Variants in ERBB4 observed in about 807,000 individuals in gnomAD.
ERBB4 encodes the protein receptor tyrosine-protein kinase erbB-4.
ERBB4 carries 42 observed loss-of-function variants against 158.0 expected under a neutral mutation model. That is an observed-to-expected ratio of 0.27 (90% CI 0.21 to 0.34). The LOEUF (loss-of-function observed/expected upper bound fraction) is 0.34, where lower values mean the gene tolerates loss of function less well. Among genes scored for constraint, ERBB4 ranks in the 10% least tolerant of loss-of-function variants. ERBB4 has a pLI of 1.00. For synonymous variants in ERBB4, 583 were observed against 558.7 expected, an observed-to-expected ratio of 1.04 and a Z score of -0.61; for missense variants, 1,333 against 1,624.1, an observed-to-expected ratio of 0.82 and a Z score of 3.08.
At chr2:212,200,870 A>G (rs1459045597) in intron 1 of ERBB4, among the ~76,000 whole-genome samples, 1 of 152,142 alleles carries the variant, frequency 6.6e-6, no homozygotes, top group East Asian at 1.9e-4. Flanking sequence ...CCACATACCT[A>G]TAATTAGAAA....
chr2:211,667,914 T>C (rs1191628698), intron 14 of ERBB4, among the ~76,000 whole-genome samples: 1 of 152,162 alleles, frequency 6.6e-6, no homozygotes, highest in Admixed American at 6.5e-5. Context: ...TTAACTATAG[T>C]CATGTGACAC....
In ERBB4 at chr2:211,413,305, T is replaced by TAAAAAAA. The variant is rs768289370; in HGVS notation, c.3135+7135_3135+7136insTTTTTTT. 1.9e-4 allele frequency among the ~76,000 whole-genome samples: 11 copies of TAAAAAAA among 56,944 alleles called. 1 individual carries two copies. Among genetic ancestry groups the TAAAAAAA allele is most frequent in the African/African-American group, 6.7e-4 (9 of 13,494 alleles). 37.4% of individuals were successfully genotyped at this position (56,944 alleles called of 152,430 possible). On this transcript the variant is annotated intron_variant, in intron 25 of 27. Transcript: ENST00000342788. ...TTGGGGACAGAGAGAGACCCTGTCT[T>TAAAAAAA]AAAAACACACACACACACACACACA... is the stretch of plus-strand genomic sequence containing the variant.
At chr2:212,242,404 C>G (rs1490055120) in intron 1 of ERBB4, among the ~76,000 whole-genome samples, 2 of 151,702 alleles carry the variant, frequency 1.3e-5, no homozygotes, top group Non-Finnish European at 2.9e-5. Flanking sequence ...TTACACAGTC[C>G]CTATGAAAAT....
At chr2:211,813,529 G>C (rs1305236667) in intron 3 of ERBB4, among the ~76,000 whole-genome samples, 1 of 152,096 alleles carries the variant, frequency 6.6e-6, no homozygotes, top group Non-Finnish European at 1.5e-5. Context: ...AGAAATTCCA[G>C]GTGCTTCCCT....
chr2:212,388,788 A>G (rs1464185261), intron 1 of ERBB4, among the ~76,000 whole-genome samples: 1 of 152,166 alleles, frequency 6.6e-6, no homozygotes, highest in Non-Finnish European at 1.5e-5. Context: ...GACCGTTCTT[A>G]GGGCCAATCT....
chr2:212,178,472 G>A (rs1028712115), intron 1 of ERBB4, among the ~76,000 whole-genome samples: 1 of 151,662 alleles, frequency 6.6e-6, no homozygotes, highest in African/African-American at 2.4e-5. Flanking sequence ...AATATATCTG[G>A]GGGCATTAGA....
chr2:211,640,577 T>C (rs529760591), intron 16 of ERBB4, among the ~76,000 whole-genome samples: 1 of 152,222 alleles, frequency 6.6e-6, no homozygotes, highest in Admixed American at 6.6e-5. Context: ...GTCCGAAGCA[T>C]TCTAACTGGA....
At chr2:211,770,279 A>G (rs889453673) in intron 4 of ERBB4, among the ~76,000 whole-genome samples, 1 of 152,226 alleles carries the variant, frequency 6.6e-6, no homozygotes, top group African/African-American at 2.4e-5. Flanking sequence ...AGCAAAGTTA[A>G]TTCCACCTTA....
At chr2:211,926,611 T>G (rs975605650) in intron 3 of ERBB4, among the ~76,000 whole-genome samples, 3 of 152,176 alleles carry the variant, frequency 2.0e-5, no homozygotes, top group South Asian at 2.1e-4. Context: ...ACACAACTGC[T>G]GTTACAAGTA....
intron 2 of ERBB4, among the ~76,000 whole-genome samples, chr2:212,008,213 G>A (rs2076300447): frequency 6.6e-6 from 1 of 151,920 alleles, no homozygotes; most frequent in South Asian, 2.1e-4. Flanking sequence ...CTACAGGGGG[G>A]TTTTACACAT....
At chr2:211,978,954 G>C (rs1431134681) in intron 2 of ERBB4, among the ~76,000 whole-genome samples, 1 of 152,042 alleles carries the variant, frequency 6.6e-6, no homozygotes, top group Non-Finnish European at 1.5e-5. Context: ...TACTTCTCTT[G>C]AAAGTCCATA....
intron 3 of ERBB4, among the ~76,000 whole-genome samples, chr2:211,884,393 T>C (rs908940634): frequency 6.6e-6 from 1 of 152,194 alleles, no homozygotes; most frequent in Non-Finnish European, 1.5e-5. Context: ...AAACCCTGAC[T>C]ATGAAAATGT....
chr2:212,273,180 T>C (rs1327103807), intron 1 of ERBB4, among the ~76,000 whole-genome samples: 1 of 151,792 alleles, frequency 6.6e-6, no homozygotes, highest in Non-Finnish European at 1.5e-5. Context: ...GTGGCTAACA[T>C]TAAAGTAACA....
At chr2:212,176,251 T>C (rs10189769) in intron 1 of ERBB4, among the ~76,000 whole-genome samples, 55,865 of 151,606 alleles carry the variant, frequency 0.37, 13,030 homozygotes, top group African/African-American at 0.67. Context: ...GTTTATGTCC[T>C]CCCCACCCCA....
chr2:212,185,021 C>CTTTTTTTTTTTCTTTTTTTTTT (rs1553584050), intron 1 of ERBB4, among the ~76,000 whole-genome samples: 3 of 132,514 alleles, frequency 2.3e-5, no homozygotes, highest in Admixed American at 7.3e-5. Context: ...ACTTTTTTTT[C>CTTTTTTTTTTTCTTTTTTTTTT]TTTTTTTTTT....
intron 3 of ERBB4, among the ~76,000 whole-genome samples, chr2:211,827,903 A>G (rs2077137667): frequency 6.6e-6 from 1 of 152,176 alleles, no homozygotes; most frequent in Non-Finnish European, 1.5e-5. Flanking sequence ...ATTGATGGCT[A>G]TAAGACACAT....
intron 1 of ERBB4, among the ~76,000 whole-genome samples, chr2:212,520,022 T>C (rs1170413619): frequency 6.6e-6 from 1 of 151,932 alleles, no homozygotes; most frequent in African/African-American, 2.4e-5. Flanking sequence ...AATCACTCTG[T>C]ATCCCATAAA....
intron 2 of ERBB4, among the ~76,000 whole-genome samples, chr2:212,053,063 A>G (rs765561856): frequency 3.5e-4 from 53 of 152,150 alleles, no homozygotes; most frequent in Non-Finnish European, 5.9e-4. Context: ...TCATGCCTAA[A>G]GCCCAGCACA....
intron 2 of ERBB4, among the ~76,000 whole-genome samples, chr2:211,989,473 T>C (rs1436309319): frequency 4.6e-5 from 7 of 151,930 alleles, no homozygotes; most frequent in Non-Finnish European, 8.8e-5. Flanking sequence ...TGTTTCTCTA[T>C]AATATTCTTA....
Sources: gnomAD v4.1 joint callset for allele counts (sites outside exome capture counted in the v4.1 genomes callset) on GRCh38, gnomAD v4.1.1 for gene constraint, MANE v1.5 for transcripts, NCBI Gene and HGNC (gene_info 2026-07-23, HGNC 2026-07-21) for gene names.